The following PRSS38 variants were observed in gnomAD, a reference collection of about 807,000 sequenced individuals.
PRSS38 encodes marapsin 2.
PRSS38 carries 22 observed loss-of-function variants against 26.8 expected under a neutral mutation model. The observed-to-expected ratio is 0.82, with a 90% CI of 0.59 to 1.17. The LOEUF (loss-of-function observed/expected upper bound fraction) is 1.17. Among genes scored for constraint, PRSS38 ranks in the 50% most tolerant of loss-of-function variants. PRSS38 has a pLI of 0.00. For missense variants in PRSS38, 427 were observed against 422.7 expected (o/e 1.01, Z -0.09); for synonymous variants, 175 against 172.1 (o/e 1.02, Z -0.13).
At chr1:227,837,572 T>A (rs1043443466) in intron 3 of PRSS38, among the ~76,000 whole-genome samples, 1 of 152,210 alleles carries the variant, frequency 6.6e-6, no homozygotes, top group Non-Finnish European at 1.5e-5. Flanking sequence ...TGTGCAAGTC[T>A]TTTGGGGAAT....
rs535227379 is a variant in PRSS38 at position 227,845,832 on chromosome 1, G to A, written c.727-122G>A. ...CAGCCAGTAGGGAGGCTGGGTGAGA[G>A]GGGGGCACTGGCCCCTTCCAGCAGG... On this transcript the variant is annotated intron_variant, in intron 4 of 4. Coordinates refer to ENST00000366757, the Ensembl canonical transcript of PRSS38. The A allele has an allele frequency of 1.1e-5, 15 of 1,388,900 alleles. No homozygotes were observed. The East Asian group carries it at 1.8e-4, about 17-fold the overall frequency. 86.0% of individuals were successfully genotyped at this position (1,388,900 alleles called of 1,614,324 possible).
chr1:227,820,873 T>C (rs1365576002), intron 3 of PRSS38, among the ~76,000 whole-genome samples: 1 of 152,214 alleles, frequency 6.6e-6, no homozygotes, highest in African/African-American at 2.4e-5. Flanking sequence ...TGGGAGATTC[T>C]TATTGTTGAA....
intron 3 of PRSS38, among the ~76,000 whole-genome samples, chr1:227,827,965 A>G (rs1435107327): frequency 6.6e-6 from 1 of 152,198 alleles, no homozygotes; most frequent in Non-Finnish European, 1.5e-5. Context: ...ATCATTCAAG[A>G]GCAGGTTGTT....
At chr1:227,846,246 A>G (rs1572094002) in exon 5 of PRSS38, 2 of 1,595,210 alleles carry the variant, frequency 1.3e-6, no homozygotes, top group African/African-American at 2.7e-5. Flanking sequence ...ATGGCTGCAC[A>G]CCCTGCCCCA....
chr1:227,834,905 TAA>T (rs1665217228), intron 3 of PRSS38, among the ~76,000 whole-genome samples: 1 of 152,126 alleles, frequency 6.6e-6, no homozygotes, highest in Non-Finnish European at 1.5e-5. Context: ...AAGAAAGTGA[TAA>T]GAATGGAAGA....
chr1:227,824,836 T>C (rs1037444926), intron 3 of PRSS38, among the ~76,000 whole-genome samples: 2 of 152,238 alleles, frequency 1.3e-5, no homozygotes, highest in African/African-American at 4.8e-5. Flanking sequence ...GTTGAGCTTT[T>C]TTTCATGTTT....
chr1:227,818,675 C>CAAAAAAAAAA (rs71180764), intron 3 of PRSS38, among the ~76,000 whole-genome samples: 1 of 61,072 alleles, frequency 1.6e-5, no homozygotes, highest in Non-Finnish European at 2.9e-5. Context: ...GACCTTCTCT[C>CAAAAAAAAAA]AAAAAAAAAA....
rs1211701150 is a variant in PRSS38 at position 227,816,746 on chromosome 1, G to T, written c.312-463G>T. On this transcript the variant is annotated intron_variant, in intron 2 of 4. Transcript: ENST00000366757. The surrounding 1 kb of genome is among the most constrained non-coding windows in gnomAD (Gnocchi z 5.1). Reference sequence around the variant, plus strand: ...GGCTGGTCCTCAAGTGCACAGCCAGGTCCCACAAAAGTGAGGCTGCTCCTC... The same window carrying T: ...GGCTGGTCCTCAAGTGCACAGCCAGTTCCCACAAAAGTGAGGCTGCTCCTC... Among the ~76,000 whole-genome samples the T allele has an allele frequency of 2.6e-5, 4 of 151,986 alleles. No individual in the cohort carries two copies. Among genetic ancestry groups the T allele is most frequent in the African/African-American group, 9.7e-5 (4 of 41,330 alleles).
At chr1:227,842,671 T>C (rs1665355738) in intron 3 of PRSS38, among the ~76,000 whole-genome samples, 1 of 151,938 alleles carries the variant, frequency 6.6e-6, no homozygotes, top group Non-Finnish European at 1.5e-5. Context: ...ACCTCCGCCT[T>C]CTGGGTTCTA....
At chr1:227,831,839 G>A (rs368667308) in intron 3 of PRSS38, among the ~76,000 whole-genome samples, 2 of 152,052 alleles carry the variant, frequency 1.3e-5, no homozygotes, top group African/African-American at 4.8e-5. Context: ...GTGACAGAGC[G>A]AGACTCCATC....
chr1:227,830,632 C>G (rs2102679455), intron 3 of PRSS38, among the ~76,000 whole-genome samples: 1 of 151,100 alleles, frequency 6.6e-6, no homozygotes, highest in East Asian at 2.0e-4. Flanking sequence ...GCTGGGATTA[C>G]AGGCGCCCAC....
chr1:227,846,163 T>C (rs774244636), exon 5 of PRSS38: 4 of 1,613,274 alleles, frequency 2.5e-6, no homozygotes, highest in Non-Finnish European at 3.4e-6. Context: ...TGGGGCCCAC[T>C]CTCAGCGTCC....
At chr1:227,837,588 T>G (rs540620055) in intron 3 of PRSS38, among the ~76,000 whole-genome samples, 6 of 152,302 alleles carry the variant, frequency 3.9e-5, no homozygotes, top group Non-Finnish European at 7.3e-5. Context: ...GGAATATAGG[T>G]ACTTGTTTAT....
intron 3 of PRSS38, among the ~76,000 whole-genome samples, chr1:227,838,285 T>C (rs1665267199): frequency 6.6e-6 from 1 of 152,258 alleles, no homozygotes; most frequent in Non-Finnish European, 1.5e-5. Flanking sequence ...AAATTAATTT[T>C]TGCATATGGT....
chr1:227,826,754 G>A (rs957421277), intron 3 of PRSS38, among the ~76,000 whole-genome samples: 1 of 151,874 alleles, frequency 6.6e-6, no homozygotes. Context: ...GCATTCTCTT[G>A]TGACGGTTTT....
At position 227,820,306 on chromosome 1, in the gene PRSS38, T is replaced by C. The variant is rs542122202; in HGVS notation, c.583+2826T>C. ...TTGAATGGCTGTTATTTCTTTTCCT[T>C]GTCTAAATTATTTGTCTAGAATTTC... On this transcript the variant is annotated intron_variant, in intron 3 of 4. Transcript: ENST00000366757. Among the ~76,000 whole-genome samples, 12 of 152,198 alleles carry C rather than the reference T, an allele frequency of 7.9e-5. No individual in the cohort carries two copies. In the East Asian group the frequency reaches 2.3e-3, roughly 29 times the overall value.
intron 3 of PRSS38, among the ~76,000 whole-genome samples, chr1:227,827,741 G>GT (rs1436728667): frequency 6.6e-6 from 1 of 151,550 alleles, no homozygotes; most frequent in South Asian, 2.1e-4. Context: ...TAGCTTTGGG[G>GT]TTTTTTGCTC....
chr1:227,845,956 C>G, exon 5 of PRSS38: 1 of 1,614,004 alleles, frequency 6.2e-7, no homozygotes, highest in Non-Finnish European at 8.5e-7. Context: ...CTTTCTAGGG[C>G]GACTCCGGGG....
intron 4 of PRSS38, 70 bp downstream of exon 4, chr1:227,845,682 C>A: frequency 1.3e-6 from 2 of 1,536,200 alleles, no homozygotes; most frequent in Non-Finnish European, 1.8e-6. Context: ...CAGGACCCCA[C>A]TCTGGCCTCC....
Sources: allele counts gnomAD v4.1 joint callset (sites outside exome capture counted in the v4.1 genomes callset), GRCh38; gene constraint gnomAD v4.1.1; non-coding constraint Gnocchi (gnomAD v3.1); transcripts MANE v1.5; gene names NCBI Gene and HGNC (gene_info 2026-07-23, HGNC 2026-07-21).